NOP14: variants seen among roughly 807,000 people sequenced by gnomAD.
NOP14 encodes the protein nucleolar protein 14.
Under a neutral mutation model 101.6 loss-of-function variants are expected in NOP14, and 57 were observed. The ratio of observed to expected loss-of-function variants is 0.56; its 90% CI spans 0.45 to 0.70. NOP14 has a LOEUF of 0.70. Ranked by LOEUF, NOP14 falls within the 30% of genes least tolerant of loss-of-function variation. The pLI is 0.00. For synonymous variants in NOP14, 428 were observed against 424.0 expected (o/e 1.01, Z -0.12); for missense variants, 1,134 against 1,075.5 (o/e 1.05, Z -0.76).
intron 3 of NOP14, among the ~76,000 whole-genome samples, chr4:2,954,885 G>A (rs1267334721): frequency 2.0e-5 from 3 of 152,118 alleles, no homozygotes; most frequent in African/African-American, 7.2e-5. Flanking sequence ...GCTGACTCCA[G>A]GGTCTTGGTG....
intron 14 of NOP14, chr4:2,941,958 G>A (rs770817482): frequency 1.9e-5 from 12 of 630,266 alleles, no homozygotes; most frequent in East Asian, 5.6e-5. Flanking sequence ...GGGATGGGGC[G>A]GCTCCATTTT....
rs754783536 is a variant in NOP14, at chr4:2,939,568, C to G, written c.2277G>C (p.Lys759Asn). 1 of 1,613,998 alleles carries G rather than the reference C, an allele frequency of 6.2e-7. No individual in the cohort carries two copies. Among genetic ancestry groups the G allele is most frequent in the Non-Finnish European group, 8.5e-7 (1 of 1,180,032 alleles). ...LCRPLTCEKS[K>N]PVPLKLFTPR... Reference sequence around the variant, plus strand: ...GTGTGAAAAGCTTCAGTGGGACAGGCTTGCTCTTCTCACAGGTCAGCGGCC... The same window carrying G: ...GTGTGAAAAGCTTCAGTGGGACAGGGTTGCTCTTCTCACAGGTCAGCGGCC... The change falls in exon 16 of 18, where the codon AAG (lysine) becomes AAC (asparagine). Residue 759 changes from lysine (K) to asparagine (N), a missense_variant. Lys to Asn is a moderately conservative substitution (Grantham distance 94). Transcript: ENST00000416614.
At position 2,958,086 on chromosome 4, in the gene NOP14, T is replaced by A. The variant is rs539262308; in HGVS notation, c.196-346A>T. 1.5e-4 allele frequency among the ~76,000 whole-genome samples: 23 copies of A among 152,240 alleles called. No homozygotes were observed. The South Asian group carries it at 4.6e-3, about 30-fold the overall frequency. Reference sequence around the variant, plus strand: ...TTTAAAACGTGCACATTTGGAAAAGTGGAAATGGGTTTAGACTCCTTCCGT... The same window carrying A: ...TTTAAAACGTGCACATTTGGAAAAGAGGAAATGGGTTTAGACTCCTTCCGT... On this transcript the variant is annotated intron_variant, in intron 1 of 17. Transcript: ENST00000416614.
intron 4 of NOP14, 34 bp from the exon 5 acceptor site, chr4:2,953,679 C>G (rs1431099153): frequency 6.2e-7 from 1 of 1,612,236 alleles, no homozygotes; most frequent in Middle Eastern, 1.7e-4. Context: ...CACCACATAC[C>G]GTTACTACTG....
chr4:2,939,400 G>C (rs1268934759), intron 16 of NOP14, 57 bp from the exon 17 acceptor site: 2 of 1,610,898 alleles, frequency 1.2e-6, no homozygotes, highest in East Asian at 2.2e-5. Context: ...CTCTCAGCCA[G>C]AGCCTGCTTG....
intron 15 of NOP14, 139 bp from the exon 16 acceptor site, chr4:2,939,784 C>G (rs776892747): frequency 1.4e-6 from 1 of 732,442 alleles, no homozygotes; most frequent in African/African-American, 1.7e-5. Context: ...CCTTGCTGTG[C>G]GCCTACCGGT....
intron 13 of NOP14, among the ~76,000 whole-genome samples, chr4:2,942,764 G>A (rs919655222): frequency 2.0e-5 from 3 of 152,218 alleles, no homozygotes; most frequent in Non-Finnish European, 4.4e-5. Context: ...GGGGCAGGAG[G>A]GAGACAGGAG....
intron 7 of NOP14, chr4:2,950,512 G>A (rs774097167): frequency 8.9e-5 from 39 of 440,058 alleles, no homozygotes; most frequent in Non-Finnish European, 1.3e-4. Flanking sequence ...CAGTGGCTGC[G>A]GGCTTTAGCA....
intron 2 of NOP14, among the ~76,000 whole-genome samples, chr4:2,957,198 C>T (rs1214404334): frequency 6.6e-6 from 1 of 152,116 alleles, no homozygotes; most frequent in Non-Finnish European, 1.5e-5. Context: ...GACGGGGTTT[C>T]ATCACGTTGG....
chr4:2,949,331 C>G (rs533859061), intron 8 of NOP14, among the ~76,000 whole-genome samples: 1 of 152,240 alleles, frequency 6.6e-6, no homozygotes, highest in East Asian at 1.9e-4. Context: ...AGCCTCCTGA[C>G]CAGCTAGGAA....
At chr4:2,957,513 G>A (rs985674425) in intron 2 of NOP14, 93 bp downstream of exon 2, 9 of 1,491,118 alleles carry the variant, frequency 6.0e-6, no homozygotes, top group Non-Finnish European at 7.4e-6. Context: ...GAGTGCCCAG[G>A]AACATGCAAA....
In NOP14 at chr4:2,938,941, CAA is replaced by C. The variant is rs1713906775; in HGVS notation, c.2475-13_2475-12del. 1 of 1,611,602 alleles carries C rather than the reference CAA, an allele frequency of 6.2e-7. No homozygotes were observed. The highest frequency in any genetic ancestry group is 1.3e-5 in the African/African-American group (1 of 75,012). On this transcript the variant is annotated splice_polypyrimidine_tract_variant and intron_variant, in intron 17 of 17. Coordinates refer to ENST00000416614, the MANE Select transcript of NOP14 (RefSeq NM_001291978.2). ...TTTCTTTCCGCATCCCTAAAAGAAA[CAA>C]AAGGCAAATGCCCATTTTTGGATTA... is the stretch of plus-strand genomic sequence containing the variant.
At chr4:2,957,148 T>C (rs990503770) in intron 2 of NOP14, among the ~76,000 whole-genome samples, 3 of 152,172 alleles carry the variant, frequency 2.0e-5, no homozygotes, top group Non-Finnish European at 2.9e-5. Context: ...ATTATAGGCA[T>C]GCGCCACCAC....
At position 2,963,103 on chromosome 4, in the gene NOP14, TCCCCG is replaced by T; in HGVS notation, c.195+17_195+21del. 1 of 1,515,650 alleles carries T rather than the reference TCCCCG, an allele frequency of 6.6e-7. No homozygotes were observed. The highest frequency in any genetic ancestry group is 1.3e-5 in the South Asian group (1 of 79,148). The allele number at this position is 1,515,650 out of a possible 1,614,324, so 93.9% of individuals were successfully genotyped here. ...TGGGGTCCAGATCCTGCCTTCCGGC[TCCCCG>T]TGCGCCCCCCGCTTACCTTCCTGAG... is the stretch of plus-strand genomic sequence containing the variant. On this transcript the variant is annotated intron_variant, in intron 1 of 17. Transcript: ENST00000416614.
chr4:2,948,468 T>C, intron 8 of NOP14, 60 bp from the exon 9 acceptor site: 2 of 1,330,676 alleles, frequency 1.5e-6, no homozygotes, highest in Non-Finnish European at 2.0e-6. Context: ...TATATATTTA[T>C]TTTTGAGATG....
chr4:2,959,133 T>G (rs550727444), intron 1 of NOP14, among the ~76,000 whole-genome samples: 1 of 152,286 alleles, frequency 6.6e-6, no homozygotes, highest in East Asian at 1.9e-4. Context: ...ACCTGAAGAG[T>G]AGGAAACCAT....
In NOP14 at chr4:2,942,181, C is replaced by G. The variant is rs1577821024; in HGVS notation, c.2051+11G>C. ...AGGGCACAGGCCCCAAAGCGGGGTC[C>G]CCTCACATACCGGATGTGATTGGCC... On this transcript the variant is annotated intron_variant, in intron 14 of 17. Transcript: ENST00000416614. The G allele has an allele frequency of 6.2e-7, 1 of 1,611,242 alleles. No homozygotes were observed. Among genetic ancestry groups the G allele is most frequent in the East Asian group, 2.2e-5 (1 of 44,796 alleles).
intron 4 of NOP14, among the ~76,000 whole-genome samples, chr4:2,954,178 G>A (rs756194329): frequency 2.6e-5 from 4 of 152,108 alleles, no homozygotes; most frequent in Non-Finnish European, 4.4e-5. Context: ...ACTCCAGCCC[G>A]GGAAACAGAG....
At chr4:2,948,224 T>A in intron 9 of NOP14, 54 bp downstream of exon 9, 1 of 1,525,204 alleles carries the variant, frequency 6.6e-7, no homozygotes, top group Non-Finnish European at 8.7e-7. Context: ...CTGGCATTCA[T>A]ATACGGGGCT....
Sources: gnomAD v4.1 joint callset for allele counts (sites outside exome capture counted in the v4.1 genomes callset) on GRCh38, gnomAD v4.1.1 for gene constraint, MANE v1.5 for transcripts, NCBI Gene and HGNC (gene_info 2026-07-23, HGNC 2026-07-21) for gene names.